CTNS: variants seen among roughly 807,000 people sequenced by gnomAD.
The protein encoded by CTNS is cystinosin, lysosomal cystine transporter.
In CTNS, 27 loss-of-function variants were observed where a neutral mutation model predicts 43.7. The ratio of observed to expected loss-of-function variants is 0.62; its 90% CI spans 0.46 to 0.85. The LOEUF is 0.85. Among genes scored for constraint, CTNS ranks in the 40% least tolerant of loss-of-function variants. The probability of loss-of-function intolerance (pLI) is 0.00; values close to 1 mark genes in which losing one functional copy is unlikely to be tolerated. For missense variants in CTNS, 457 were observed against 475.4 expected, an observed-to-expected ratio of 0.96 and a Z score of 0.36; for synonymous variants, 187 against 190.6, an observed-to-expected ratio of 0.98 and a Z score of 0.16.
rs142641674 is a variant in CTNS, at chr17:3,658,018, G to A, written c.695G>A (p.Arg232His). Residue 232 changes from arginine (R) to histidine (H), a missense_variant, in exon 10 of 12, where the codon CGC (arginine) becomes CAC (histidine). Arg to His is a conservative substitution (Grantham distance 29). Coordinates refer to ENST00000046640, the MANE Select transcript of CTNS (RefSeq NM_004937.3). ...QCCLYERGGQ[R>H]VSWPAIGFLV... Reference sequence around the variant, plus strand: ...TCTCGCCCCCAGCGCGGTGGCCAGCGCGTGTCCTGGCCTGCCATCGGCTTC... The same window carrying A: ...TCTCGCCCCCAGCGCGGTGGCCAGCACGTGTCCTGGCCTGCCATCGGCTTC... 212 of 1,610,296 alleles carry A rather than the reference G, an allele frequency of 1.3e-4. 1 individual carries two copies. The African/African-American group carries it at 2.2e-3, about 17-fold the overall frequency.
intron 10 of CTNS, among the ~76,000 whole-genome samples, chr17:3,658,850 G>A (rs992821079): frequency 1.3e-5 from 2 of 152,144 alleles, no homozygotes; most frequent in African/African-American, 2.4e-5. Context: ...CGGGCGTTCC[G>A]GGCCAGGCCA....
At chr17:3,658,865 G>C (rs918631280) in intron 10 of CTNS, among the ~76,000 whole-genome samples, 2 of 152,232 alleles carry the variant, frequency 1.3e-5, no homozygotes, top group Non-Finnish European at 2.9e-5. Flanking sequence ...AGGCCAGCCT[G>C]CACAGAGGCT....
chr17:3,650,406 C>G (rs2075952568), intron 5 of CTNS: 4 of 1,508,670 alleles, frequency 2.7e-6, no homozygotes, highest in Non-Finnish European at 2.7e-6. Context: ...CACTTGAGCC[C>G]AGGAACTCAA....
At chr17:3,640,531 T>G (rs756041888) in intron 3 of CTNS, among the ~76,000 whole-genome samples, 103 of 152,238 alleles carry the variant, frequency 6.8e-4, no homozygotes, top group Non-Finnish European at 1.2e-3. Context: ...GAACAGCTGG[T>G]TCTTAAGGTC....
intron 2 of CTNS, among the ~76,000 whole-genome samples, chr17:3,638,436 C>T (rs1232164424): frequency 6.6e-6 from 1 of 152,078 alleles, no homozygotes; most frequent in Non-Finnish European, 1.5e-5. Flanking sequence ...CGGGGATTCA[C>T]CATGTTGGCC....
rs779397726 is a variant in CTNS at position 3,660,772 on chromosome 17, C to T, written c.*403C>T. ...GTGAGCCAAGGGCACTTTGCTGCCA[C>T]CGCTGCATTCCCAGAGATCAAGCAG... On this transcript the variant is annotated 3_prime_UTR_variant, in exon 12 of 12. Coordinates refer to ENST00000046640, the MANE Select transcript of CTNS (RefSeq NM_004937.3). The T allele has an allele frequency of 6.2e-6, 10 of 1,612,720 alleles. No individual in the cohort carries two copies. In the East Asian group the frequency reaches 1.6e-4, roughly 25 times the overall value.
rs1240388808 is a variant in CTNS, at chr17:3,637,113, T to C, written c.-223T>C. The C allele has an allele frequency of 6.6e-6, 1 of 152,282 alleles. No individual in the cohort carries two copies. The highest frequency in any genetic ancestry group is 2.4e-5 in the African/African-American group (1 of 41,442). 9.4% of individuals were successfully genotyped at this position (152,282 alleles called of 1,614,324 possible). A position where few individuals can be genotyped will look rare whatever the true frequency, so the allele number is the denominator to read the frequency against. On this transcript the variant is annotated 5_prime_UTR_variant, in exon 2 of 12. Transcript: ENST00000046640. ...TCGGTTGGGGAATTTGCAGATTGCT[T>C]TGGAGACGCTGAGAGAACCTTTGCG...
intron 5 of CTNS, among the ~76,000 whole-genome samples, chr17:3,649,988 A>G (rs1394216658): frequency 6.6e-6 from 1 of 152,228 alleles, no homozygotes; most frequent in East Asian, 1.9e-4. Context: ...AGCTGGGTGC[A>G]GTGGCTTGCA....
rs1234064483 is a variant in CTNS at position 3,641,359 on chromosome 17, CATATATATAT to C, written c.61+1109_61+1118del. Among the ~76,000 whole-genome samples, 20 of 21,116 alleles carry C rather than the reference CATATATATAT, an allele frequency of 9.5e-4. No individual in the cohort carries two copies. In the East Asian group the frequency reaches 0.012, roughly 12 times the overall value. 13.9% of individuals were successfully genotyped at this position (21,116 alleles called of 152,430 possible). On this transcript the variant is annotated intron_variant, in intron 3 of 11. Coordinates refer to ENST00000046640, the MANE Select transcript of CTNS (RefSeq NM_004937.3). Reference sequence around the variant, plus strand: ...TTGGGTCAAATACAAAAATCAGATACATATATATATATATATATATATATATTTTTTTTTT... The same window carrying C: ...TTGGGTCAAATACAAAAATCAGATACATATATATATATATATTTTTTTTTT...
At chr17:3,636,600 C>T (rs1224655670), upstream of CTNS, 1 of 215,322 alleles carries the variant, frequency 4.6e-6, no homozygotes, top group East Asian at 1.0e-4. Flanking sequence ...GATCTCTGCG[C>T]CCCGGCCCGA....
rs762482627 is a variant in CTNS, at chr17:3,650,292, A to G, written c.225+1361A>G. The G allele has an allele frequency of 2.6e-6, 4 of 1,549,954 alleles. No individual in the cohort carries two copies. In the South Asian group the frequency reaches 3.6e-5, roughly 14 times the overall value. ...AAGCAAACAGGAGTGAAACACGATC[A>G]GTCTCCAGCATGTGGGAACCTGTGA... On this transcript the variant is annotated intron_variant, in intron 5 of 11. Coordinates refer to ENST00000046640, the MANE Select transcript of CTNS (RefSeq NM_004937.3).
At chr17:3,657,937 G>A in intron 9 of CTNS, 68 bp from the exon 10 acceptor site, 1 of 1,583,124 alleles carries the variant, frequency 6.3e-7, no homozygotes, top group South Asian at 1.1e-5. Flanking sequence ...CCTATCCGGG[G>A]CCGTCCTTGC....
At chr17:3,651,982 AG>A (rs200793318) in intron 5 of CTNS, among the ~76,000 whole-genome samples, 2 of 126,708 alleles carry the variant, frequency 1.6e-5, no homozygotes, top group African/African-American at 2.8e-5. Context: ...TCAAAAAAAA[AG>A]AAAAGAAAAG....
At chr17:3,658,377 G>A (rs183099131) in intron 10 of CTNS, among the ~76,000 whole-genome samples, 3 of 152,328 alleles carry the variant, frequency 2.0e-5, no homozygotes, top group Non-Finnish European at 4.4e-5. Context: ...ACAGGAGATC[G>A]CTAGCGGAGG....
At position 3,640,187 on chromosome 17, in the gene CTNS, G is replaced by A. The variant is rs1555558034; in HGVS notation, c.-19-1G>A. The A allele has an allele frequency of 6.2e-7, 1 of 1,612,482 alleles. No homozygotes were observed. The highest frequency in any genetic ancestry group is 8.5e-7 in the Non-Finnish European group (1 of 1,178,540). ...TTCTCTCTTGCTGTTTTTCTTCCTA[G>A]TTCTGAGAAATCGAGAAACATGATA... On this transcript the variant is annotated splice_acceptor_variant, in intron 2 of 11. Coordinates refer to ENST00000046640, the MANE Select transcript of CTNS (RefSeq NM_004937.3). LOFTEE classifies it low-confidence loss of function (5UTR_SPLICE).
intron 9 of CTNS, chr17:3,657,507 T>G: frequency 4.6e-6 from 1 of 215,714 alleles, no homozygotes. Context: ...TTTCTTAGCT[T>G]TTGGTGTGAA....
chr17:3,660,259 G>C lies in CTNS; in HGVS notation c.994G>C (p.Asp332His). Residue 332 changes from aspartate (D) to histidine (H), a missense_variant, in exon 12 of 12, where the codon GAC becomes CAC. Transcript: ENST00000046640. ...AGACCAGTGGACGCTGATCTTCGGA[G>C]ACCCAACCAAGTTTGGACTCGGGGT... ...NNDQWTLIFG[D>H]PTKFGLGVFS... 1.2e-6 allele frequency: 2 copies of C among 1,614,224 alleles called. No homozygotes were observed.
chr17:3,654,680 CAAAA>C (rs560988939), intron 5 of CTNS, among the ~76,000 whole-genome samples: 4 of 82,514 alleles, frequency 4.8e-5, no homozygotes, highest in East Asian at 5.1e-4. Flanking sequence ...GACTCCGTCT[CAAAA>C]AAAAAAAAAA....
At chr17:3,639,647 AAC>A (rs1227331463) in intron 2 of CTNS, among the ~76,000 whole-genome samples, 6 of 149,484 alleles carry the variant, frequency 4.0e-5, no homozygotes, top group South Asian at 2.1e-4. Context: ...CAGCCTGGGC[AAC>A]AGAGCAAGAC....
Sources: gnomAD v4.1 joint callset for allele counts (sites outside exome capture counted in the v4.1 genomes callset) on GRCh38, gnomAD v4.1.1 for gene constraint, MANE v1.5 for transcripts, NCBI Gene and HGNC (gene_info 2026-07-23, HGNC 2026-07-21) for gene names.